The following NFIL3 variants were observed in gnomAD, a reference collection of about 807,000 sequenced individuals.
NFIL3 encodes nuclear factor, interleukin 3 regulated.
Under a neutral mutation model 10.0 loss-of-function variants are expected in NFIL3, and 5 were observed. The ratio of observed to expected loss-of-function variants is 0.50; its 90% CI spans 0.26 to 1.06. The LOEUF (loss-of-function observed/expected upper bound fraction) is 1.06. Ranked by LOEUF, NFIL3 falls within the 50% of genes least tolerant of loss-of-function variation. The probability of loss-of-function intolerance (pLI) is 0.13; values close to 1 mark genes in which losing one functional copy is unlikely to be tolerated. For synonymous variants in NFIL3, 202 were observed against 206.5 expected (o/e 0.98, Z 0.19); for missense variants, 436 against 547.6 (o/e 0.80, Z 2.03).
intron 1 of NFIL3, among the ~76,000 whole-genome samples, chr9:91,417,698 T>A (rs1344661053): frequency 6.6e-6 from 1 of 152,134 alleles, no homozygotes; most frequent in Non-Finnish European, 1.5e-5. Flanking sequence ...ATTTTTAAGC[T>A]GAGAAAACTA....
chr9:91,461,946 G>A, the NFIL3 span, among the ~76,000 whole-genome samples: 62 of 152,052 alleles, frequency 4.1e-4, no homozygotes, highest in African/African-American at 8.2e-4. Context: ...AGGTAATCAC[G>A]GTCATTGTTC....
the NFIL3 span, among the ~76,000 whole-genome samples, chr9:91,459,894 T>C: frequency 1.3e-5 from 2 of 152,094 alleles, no homozygotes; most frequent in Admixed American, 1.3e-4. Flanking sequence ...AGACATACCG[T>C]AGAGTCTTTT....
In NFIL3 at chr9:91,412,313, TTGATGAAA is replaced by T. The variant is rs1277390658; in HGVS notation, c.-172-1415_-172-1408del. 8.5e-5 allele frequency among the ~76,000 whole-genome samples: 13 copies of T among 152,258 alleles called. 1 individual carries two copies. Among genetic ancestry groups the T allele is most frequent in the African/African-American group, 2.9e-4 (12 of 41,560 alleles). On this transcript the variant is annotated intron_variant, in intron 1 of 1. Coordinates refer to ENST00000297689, the MANE Select transcript of NFIL3 (RefSeq NM_005384.3). Reference sequence around the variant, plus strand: ...AATCATTCATTAGTTTCCTCTTCCATTGATGAAATACTTACACTACAAATTTGGCCTGA... The same window carrying T: ...AATCATTCATTAGTTTCCTCTTCCATTACTTACACTACAAATTTGGCCTGA...
chr9:91,467,495 A>G, the NFIL3 span, among the ~76,000 whole-genome samples: 3 of 152,102 alleles, frequency 2.0e-5, no homozygotes, highest in South Asian at 2.1e-4. Flanking sequence ...ATAATCACTT[A>G]TTAGTTACAA....
upstream of NFIL3, chr9:91,427,186 T>G (rs1438185212): frequency 6.6e-6 from 1 of 151,918 alleles, no homozygotes; most frequent in Non-Finnish European, 1.5e-5. Context: ...TGACTTTCTT[T>G]TTTTTGGTAA....
chr9:91,468,247 T>C, the NFIL3 span, among the ~76,000 whole-genome samples: 1 of 152,250 alleles, frequency 6.6e-6, no homozygotes, highest in Non-Finnish European at 1.5e-5. Flanking sequence ...CGTGAGATGG[T>C]ATCTCATTGT....
Position 91,410,630 on chromosome 9 carries a change from C to T in NFIL3, c.105G>A (p.Val35=), listed in dbSNP as rs1279922109. 1 of 1,614,112 alleles carries T rather than the reference C, an allele frequency of 6.2e-7. No individual in the cohort carries two copies. Among genetic ancestry groups the T allele is most frequent in the Admixed American group, 1.7e-5 (1 of 60,016 alleles). Reference sequence around the variant, plus strand: ...CCTCACCTGTTGTGGAGTCTTCTGACACTTCCGTTAAAGCAGAATTAAGGA... The same window carrying T: ...CCTCACCTGTTGTGGAGTCTTCTGATACTTCCGTTAAAGCAGAATTAAGGA... ...MMVLNSALTE[V]SEDSTTGEEL... Residue 35 remains valine, a synonymous_variant, in exon 2 of 2, where the codon GTG becomes GTA. Transcript: ENST00000297689. This position sits in a 1 kb window ranked among gnomAD's most constrained non-coding sequence, Gnocchi z 5.7.
the NFIL3 span, among the ~76,000 whole-genome samples, chr9:91,450,213 C>G: frequency 6.6e-6 from 1 of 151,994 alleles, no homozygotes; most frequent in African/African-American, 2.4e-5. Flanking sequence ...TATCTGCTAT[C>G]TAACCTTTAT....
At chr9:91,422,048 C>T (rs554625784) in intron 1 of NFIL3, among the ~76,000 whole-genome samples, 1 of 152,288 alleles carries the variant, frequency 6.6e-6, no homozygotes, top group Admixed American at 6.5e-5. Flanking sequence ...TAAATAAATA[C>T]TTCTGACCTC....
chr9:91,448,739 T>G, the NFIL3 span, among the ~76,000 whole-genome samples: 1 of 147,842 alleles, frequency 6.8e-6, no homozygotes, highest in East Asian at 2.0e-4. Flanking sequence ...AAATTCCATA[T>G]GAAGTAAAGA....
chr9:91,426,651 A>G (rs1833876843), upstream of NFIL3, among the ~76,000 whole-genome samples: 1 of 152,156 alleles, frequency 6.6e-6, no homozygotes, highest in African/African-American at 2.4e-5. Context: ...GAAGACAATC[A>G]ACCACATTCT....
intron 1 of NFIL3, among the ~76,000 whole-genome samples, chr9:91,412,098 CAAAAAAA>C (rs56891881): frequency 3.9e-5 from 3 of 76,850 alleles, no homozygotes; most frequent in South Asian, 5.0e-4. Flanking sequence ...AAGACTCTGT[CAAAAAAA>C]AAAAAAAAAA....
chr9:91,443,405 C>T, the NFIL3 span, among the ~76,000 whole-genome samples: 1 of 152,240 alleles, frequency 6.6e-6, no homozygotes, highest in Non-Finnish European at 1.5e-5. Context: ...CCTCCTGCCA[C>T]CAATCATGTT....
the NFIL3 span, among the ~76,000 whole-genome samples, chr9:91,462,725 T>C: frequency 6.6e-6 from 1 of 151,550 alleles, no homozygotes; most frequent in East Asian, 1.9e-4. Flanking sequence ...AGTTAGAAAG[T>C]GCCCTCTGTG....
chr9:91,425,355 A>G (rs1833859637), upstream of NFIL3, among the ~76,000 whole-genome samples: 1 of 152,180 alleles, frequency 6.6e-6, no homozygotes, highest in Non-Finnish European at 1.5e-5. Flanking sequence ...TAATAACGCA[A>G]GTCATATTTA....
chr9:91,426,314 C>G (rs1833873524), upstream of NFIL3: 3 of 152,158 alleles, frequency 2.0e-5, no homozygotes, highest in Admixed American at 2.0e-4. Flanking sequence ...TAGGACACCA[C>G]TAAACAACAG....
At position 91,409,662 on chromosome 9, in the gene NFIL3, G is replaced by T. The variant is rs773230504; in HGVS notation, c.1073C>A (p.Thr358Lys). Residue 358 changes from threonine to lysine, a missense_variant, in exon 2 of 2, where the codon ACA becomes AAA. Thr to Lys is a moderately conservative substitution (Grantham distance 78). Around this residue, in one of 3 missense-constraint regions of NFIL3, gnomAD observed 338 missense variants for 399.9 expected, o/e 0.85. Transcript: ENST00000297689. Reference protein sequence around the residue: ...TQKLSSPIDMTSKRHFELEKH... With the variant: ...TQKLSSPIDMKSKRHFELEKH... ...TTCGAGTTCGAAATGTCTTTTAGATGTCATGTCAATAGGTGAGGAAAGTTT... is the reference window on the plus strand; with the variant it reads ...TTCGAGTTCGAAATGTCTTTTAGATTTCATGTCAATAGGTGAGGAAAGTTT... The T allele has an allele frequency of 8.1e-6, 13 of 1,614,098 alleles. No homozygotes were observed. Among genetic ancestry groups the T allele is most frequent in the African/African-American group, 1.3e-5 (1 of 74,928 alleles).
the NFIL3 span, among the ~76,000 whole-genome samples, chr9:91,449,037 T>TG: frequency 6.6e-6 from 1 of 152,228 alleles, no homozygotes; most frequent in Non-Finnish European, 1.5e-5. Flanking sequence ...TATTCATTGC[T>TG]GGTATATAGA....
At chr9:91,459,120 T>C in the NFIL3 span, among the ~76,000 whole-genome samples, 3 of 152,318 alleles carry the variant, frequency 2.0e-5, no homozygotes, top group Admixed American at 6.5e-5. Flanking sequence ...AGTTACTCCA[T>C]GTTATTTAAC....
Sources: allele counts gnomAD v4.1 joint callset (sites outside exome capture counted in the v4.1 genomes callset), GRCh38; gene constraint gnomAD v4.1.1; regional missense constraint gnomAD v4.1.1; non-coding constraint Gnocchi (gnomAD v3.1); transcripts MANE v1.5; gene names NCBI Gene and HGNC (gene_info 2026-07-23, HGNC 2026-07-21).